ADAMTS20: variants seen among roughly 807,000 people sequenced by gnomAD.
The protein encoded by ADAMTS20 is A disintegrin and metalloproteinase with thrombospondin motifs 20.
ADAMTS20 carries 225 observed loss-of-function variants against 260.1 expected under a neutral mutation model. That is an observed-to-expected ratio of 0.87 (90% CI 0.78 to 0.97). ADAMTS20 has a LOEUF of 0.97. Among genes scored for constraint, ADAMTS20 ranks in the 50% least tolerant of loss-of-function variants. The pLI is 0.00. For missense variants in ADAMTS20, 2,400 were observed against 2,337.7 expected, an observed-to-expected ratio of 1.03 and a Z score of -0.55; for synonymous variants, 802 against 769.5, an observed-to-expected ratio of 1.04 and a Z score of -0.70.
At chr12:43,360,918 C>T (rs748971536) in intron 37 of ADAMTS20, among the ~76,000 whole-genome samples, 12 of 152,118 alleles carry the variant, frequency 7.9e-5, no homozygotes, top group Non-Finnish European at 1.5e-4. Context: ...TGACATTAGC[C>T]GAATATGATT....
intron 28 of ADAMTS20, among the ~76,000 whole-genome samples, chr12:43,401,244 T>C (rs1940803777): frequency 6.6e-6 from 1 of 151,948 alleles, no homozygotes; most frequent in African/African-American, 2.4e-5. Flanking sequence ...TGAATGGTCT[T>C]ATGTGTATGT....
At chr12:43,412,840 C>G (rs1941058504) in intron 28 of ADAMTS20, among the ~76,000 whole-genome samples, 1 of 108,992 alleles carries the variant, frequency 9.2e-6, no homozygotes, top group Non-Finnish European at 1.7e-5. Flanking sequence ...GAGACAGAGT[C>G]TGGCTCTGTC....
Position 43,459,270 on chromosome 12 carries a change from T to C in ADAMTS20, c.1614+3625A>G, listed in dbSNP as rs117784304. Among the ~76,000 whole-genome samples the C allele has an allele frequency of 6.0e-4, 92 of 152,276 alleles. No individual in the cohort carries two copies. The East Asian group carries it at 0.014, about 23-fold the overall frequency. ...TGCTCCTGATCCAGCGAGATGCCCA[T>C]TGCCGCTCCCCACAGGGCTAAAGGC... On this transcript the variant is annotated intron_variant, in intron 11 of 38. Coordinates refer to ENST00000389420, the MANE Select transcript of ADAMTS20 (RefSeq NM_025003.5).
In ADAMTS20 at chr12:43,432,714, G is replaced by A; in HGVS notation, c.2818C>T (p.Gln940Ter). ...HCMKYSIHEGQTVQVDDHYCG... is the reference protein window; with the variant it reads ...HCMKYSIHEG ...TAGTGGTCATCAACTTGAACAGTCT[G>A]TCCTTCATGAATGGAATACTTCATG... The change falls in exon 20 of 39, where the codon CAG (glutamine) becomes TAG (stop). Residue 940 changes from glutamine to a stop codon, truncating the protein, a stop_gained. Coordinates refer to ENST00000389420, the MANE Select transcript of ADAMTS20 (RefSeq NM_025003.5). LOFTEE classifies it high-confidence loss of function. The A allele has an allele frequency of 6.2e-7, 1 of 1,613,868 alleles. No individual in the cohort carries two copies. Among genetic ancestry groups the A allele is most frequent in the South Asian group, 1.1e-5 (1 of 91,078 alleles).
At chr12:43,426,196 A>G (rs926716298) in intron 27 of ADAMTS20, among the ~76,000 whole-genome samples, 1 of 152,202 alleles carries the variant, frequency 6.6e-6, no homozygotes, top group African/African-American at 2.4e-5. Flanking sequence ...TATAATGTGA[A>G]CCAATTTCTA....
intron 2 of ADAMTS20, among the ~76,000 whole-genome samples, chr12:43,543,777 T>C (rs1365860333): frequency 3.9e-5 from 6 of 152,156 alleles, no homozygotes; most frequent in Non-Finnish European, 5.9e-5. Context: ...CCCCTCATTT[T>C]CCAGTCTTTT....
At chr12:43,491,321 A>G (rs969296311) in intron 6 of ADAMTS20, among the ~76,000 whole-genome samples, 12 of 152,168 alleles carry the variant, frequency 7.9e-5, no homozygotes, top group Admixed American at 3.9e-4. Context: ...CCAGGTTTGC[A>G]TAAGTACACT....
intron 36 of ADAMTS20, among the ~76,000 whole-genome samples, chr12:43,374,713 T>G (rs1286785064): frequency 6.6e-6 from 1 of 151,764 alleles, no homozygotes; most frequent in Non-Finnish European, 1.5e-5. Flanking sequence ...TGATAAATTA[T>G]CATTAGAAAC....
chr12:43,490,264 G>GGAACTTTTTGTTGTAATAAT (rs1942581104), intron 7 of ADAMTS20, 131 bp downstream of exon 7: 3 of 506,048 alleles, frequency 5.9e-6, no homozygotes, highest in Non-Finnish European at 6.9e-6. Context: ...TAAGTGACAA[G>GGAACTTTTTGTTGTAATAAT]TGTAATAATT....
intron 14 of ADAMTS20, among the ~76,000 whole-genome samples, 197 bp from the exon 15 acceptor site, chr12:43,446,909 T>A (rs142554894): frequency 4.6e-5 from 7 of 152,196 alleles, no homozygotes; most frequent in South Asian, 2.1e-4. Flanking sequence ...GATAAACTCC[T>A]GGACACAAAC....
At chr12:43,510,459 T>C (rs1592103698) in intron 3 of ADAMTS20, among the ~76,000 whole-genome samples, 1 of 151,896 alleles carries the variant, frequency 6.6e-6, no homozygotes, top group Non-Finnish European at 1.5e-5. Flanking sequence ...TTTTTTTTTT[T>C]GTATTTATAC....
At chr12:43,394,917 C>T (rs1940668614) in intron 29 of ADAMTS20, among the ~76,000 whole-genome samples, 1 of 152,052 alleles carries the variant, frequency 6.6e-6, no homozygotes, top group Admixed American at 6.6e-5. Context: ...AATAAAAACT[C>T]TTAATATAGT....
At chr12:43,460,988 A>ATATATATATATTTTTTTTTTTTTT in intron 11 of ADAMTS20, among the ~76,000 whole-genome samples, 1 of 26,396 alleles carries the variant, frequency 3.8e-5, no homozygotes, top group Non-Finnish European at 6.7e-5. Flanking sequence ...ATATATATAT[A>ATATATATATATTTTTTTTTTTTTT]TTTTTTTTTT....
At chr12:43,424,398 C>A (rs1431529057) in intron 28 of ADAMTS20, among the ~76,000 whole-genome samples, 1 of 152,080 alleles carries the variant, frequency 6.6e-6, no homozygotes, top group African/African-American at 2.4e-5. Context: ...TCCCAAACCA[C>A]TAACTCCACA....
chr12:43,378,795 T>G (rs1940285869), intron 31 of ADAMTS20, among the ~76,000 whole-genome samples: 1 of 151,860 alleles, frequency 6.6e-6, no homozygotes. Flanking sequence ...AATGGAAGAG[T>G]AAGGACATCT....
At chr12:43,478,075 T>G (rs1376607585) in intron 7 of ADAMTS20, among the ~76,000 whole-genome samples, 1 of 152,170 alleles carries the variant, frequency 6.6e-6, no homozygotes, top group Non-Finnish European at 1.5e-5. Context: ...CTATCATGTA[T>G]TTCAGATATG....
intron 3 of ADAMTS20, among the ~76,000 whole-genome samples, chr12:43,523,089 G>A (rs924569906): frequency 2.0e-5 from 3 of 152,156 alleles, no homozygotes; most frequent in Non-Finnish European, 2.9e-5. Flanking sequence ...ACCTCCTGAA[G>A]GTTCATCCAT....
chr12:43,462,824 T>A, intron 11 of ADAMTS20, 71 bp downstream of exon 11: 2 of 1,236,498 alleles, frequency 1.6e-6, no homozygotes, highest in Non-Finnish European at 2.3e-6. Flanking sequence ...ACAAACAGAG[T>A]GCTAAAATGC....
At chr12:43,483,482 G>A (rs1252131560) in intron 7 of ADAMTS20, among the ~76,000 whole-genome samples, 28 of 152,064 alleles carry the variant, frequency 1.8e-4, no homozygotes, top group Admixed American at 1.8e-3. Context: ...CACCATCTGT[G>A]GACAGCCTTA....
Sources: allele counts gnomAD v4.1 joint callset (sites outside exome capture counted in the v4.1 genomes callset), GRCh38; gene constraint gnomAD v4.1.1; transcripts MANE v1.5; gene names NCBI Gene and HGNC (gene_info 2026-07-23, HGNC 2026-07-21).